Variants in ALG9 observed in about 807,000 individuals in gnomAD.
ALG9 encodes the protein ALG9 alpha-1,2-mannosyltransferase, also known as alpha-1,2-mannosyltransferase ALG9.
ALG9 carries 55 observed loss-of-function variants against 81.8 expected under a neutral mutation model. The observed-to-expected ratio is 0.67, with a 90% CI of 0.54 to 0.84. The LOEUF is 0.84. Ranked by LOEUF, ALG9 falls within the 40% of genes least tolerant of loss-of-function variation. ALG9 has a pLI of 0.00. For synonymous variants in ALG9, 278 were observed against 274.3 expected (o/e 1.01, Z -0.13); for missense variants, 629 against 745.0 (o/e 0.84, Z 1.81).
intron 13 of ALG9, among the ~76,000 whole-genome samples, chr11:111,812,870 T>C (rs571443071): frequency 6.7e-5 from 9 of 134,768 alleles, no homozygotes; most frequent in African/African-American, 1.5e-4. Flanking sequence ...TGAGCCAAGA[T>C]TGCACCACTG....
At chr11:111,819,223 G>T (rs78457541) in intron 13 of ALG9, among the ~76,000 whole-genome samples, 95 of 152,376 alleles carry the variant, frequency 6.2e-4, no homozygotes, top group African/African-American at 2.3e-3. Context: ...CTTCTCTGCT[G>T]TCTATCCAGC....
rs534740284 is a variant in ALG9, at chr11:111,843,593, T to C, written c.1018+1008A>G. On this transcript the variant is annotated intron_variant, in intron 9 of 14. Coordinates refer to ENST00000616540, the MANE Select transcript of ALG9 (RefSeq NM_024740.2). ...AGGTGGGATGGGGGAACTGATCATA[T>C]GGCATCCAAATCAGACTGCAAAGTC... Among the ~76,000 whole-genome samples the C allele has an allele frequency of 2.6e-5, 4 of 152,176 alleles. No individual in the cohort carries two copies. The South Asian group carries it at 8.3e-4, about 31-fold the overall frequency.
At chr11:111,798,695 C>T (rs1325212594) in intron 14 of ALG9, among the ~76,000 whole-genome samples, 1 of 152,112 alleles carries the variant, frequency 6.6e-6, no homozygotes, top group Non-Finnish European at 1.5e-5. Context: ...GTTTAGACTC[C>T]GCATCCTAAG....
downstream of ALG9, among the ~76,000 whole-genome samples, chr11:111,777,954 G>A (rs1285302284): frequency 2.6e-5 from 4 of 152,220 alleles, no homozygotes; most frequent in African/African-American, 9.7e-5. Flanking sequence ...TCTGAGGGCA[G>A]TGGCAGCAGC....
At chr11:111,856,980 G>A (rs997883989) in intron 6 of ALG9, among the ~76,000 whole-genome samples, 5 of 152,146 alleles carry the variant, frequency 3.3e-5, no homozygotes, top group Admixed American at 1.3e-4. Flanking sequence ...GGTGGCGCAC[G>A]CCTGTAGCCC....
At chr11:111,831,118 G>A (rs2136724074) in intron 13 of ALG9, among the ~76,000 whole-genome samples, 1 of 152,250 alleles carries the variant, frequency 6.6e-6, no homozygotes, top group South Asian at 2.1e-4. Flanking sequence ...TCGGCTGACT[G>A]CAACCTCCGC....
chr11:111,820,238 A>G (rs1952118358), intron 13 of ALG9, among the ~76,000 whole-genome samples: 1 of 152,230 alleles, frequency 6.6e-6, no homozygotes, highest in Non-Finnish European at 1.5e-5. Context: ...GTCTTAGTCC[A>G]ATCTGTGTTG....
intron 14 of ALG9, among the ~76,000 whole-genome samples, chr11:111,798,593 G>GA (rs199962278): frequency 2.6e-5 from 4 of 151,376 alleles, no homozygotes; most frequent in South Asian, 2.1e-4. Context: ...ATGCTTCAAA[G>GA]AAAAAAAAAT....
intron 6 of ALG9, among the ~76,000 whole-genome samples, chr11:111,856,192 G>T (rs1024822045): frequency 1.3e-5 from 2 of 148,926 alleles, no homozygotes; most frequent in African/African-American, 5.0e-5. Flanking sequence ...CAGGAGAATT[G>T]CTTGAACCCG....
intron 9 of ALG9, among the ~76,000 whole-genome samples, chr11:111,843,004 C>T (rs1454697379): frequency 2.7e-5 from 4 of 149,908 alleles, no homozygotes; most frequent in Non-Finnish European, 4.5e-5. Context: ...AGAGTGGTCT[C>T]GAACTCCTGG....
intron 13 of ALG9, among the ~76,000 whole-genome samples, chr11:111,816,223 A>T (rs1272077745): frequency 6.6e-6 from 1 of 152,244 alleles, no homozygotes; most frequent in Non-Finnish European, 1.5e-5. Context: ...AAAGCAAAAA[A>T]GGAATCTTCT....
Position 111,786,538 on chromosome 11 carries a change from A to T in ALG9, c.1734-18T>A. On this transcript the variant is annotated intron_variant, in intron 14 of 14. Transcript: ENST00000616540. Reference sequence around the variant, plus strand: ...TTGAAGATCTGAAAAACAAGGGATAAAAAAAAGAATTTTATCACTTGGGAG... The same window carrying T: ...TTGAAGATCTGAAAAACAAGGGATATAAAAAAGAATTTTATCACTTGGGAG... 6.2e-7 allele frequency: 1 copy of T among 1,613,598 alleles called. No homozygotes were observed. The highest frequency in any genetic ancestry group is 1.3e-5 in the African/African-American group (1 of 75,026).
At chr11:111,807,739 C>T (rs1591934014) in intron 14 of ALG9, among the ~76,000 whole-genome samples, 2 of 152,020 alleles carry the variant, frequency 1.3e-5, no homozygotes, top group South Asian at 2.1e-4. Context: ...ACTTTGGGGC[C>T]GAGGTCGTGC....
rs58305552 is a variant in ALG9 at position 111,820,920 on chromosome 11, G to GCACACACACACA, written c.1603-11159_1603-11148dup. ...TGAGACCCTGTCTCCAAACACGCGC[G>GCACACACACACA]CACACACACACACACACACACACAC... is the stretch of plus-strand genomic sequence containing the variant. On this transcript the variant is annotated intron_variant, in intron 13 of 14. Transcript: ENST00000616540. Among the ~76,000 whole-genome samples, 14 of 146,264 alleles carry GCACACACACACA rather than the reference G, an allele frequency of 9.6e-5. 1 individual carries two copies. The highest frequency in any genetic ancestry group is 2.8e-4 in the African/African-American group (11 of 39,322).
chr11:111,780,912 G>C (rs943289454), downstream of ALG9, among the ~76,000 whole-genome samples: 1 of 152,114 alleles, frequency 6.6e-6, no homozygotes, highest in Non-Finnish European at 1.5e-5. Flanking sequence ...AGACAGGGTC[G>C]CATGGTTTAT....
intron 14 of ALG9, among the ~76,000 whole-genome samples, chr11:111,791,780 T>TG (rs1197030243): frequency 4.6e-5 from 7 of 152,368 alleles, no homozygotes; most frequent in Admixed American, 3.9e-4. Context: ...ATCTCATTTT[T>TG]AAAGTCTCAG....
chr11:111,797,044 T>A (rs1044340725), intron 14 of ALG9, among the ~76,000 whole-genome samples: 1 of 152,158 alleles, frequency 6.6e-6, no homozygotes, highest in African/African-American at 2.4e-5. Context: ...GAAATCACCT[T>A]TAAAAAGAAA....
chr11:111,819,290 A>G (rs75319554), intron 13 of ALG9, among the ~76,000 whole-genome samples: 15 of 152,380 alleles, frequency 9.8e-5, no homozygotes, highest in African/African-American at 3.1e-4. Context: ...GTTGCATTCA[A>G]TCATCTATCA....
At chr11:111,814,986 G>A (rs576557608) in intron 13 of ALG9, among the ~76,000 whole-genome samples, 1 of 152,306 alleles carries the variant, frequency 6.6e-6, no homozygotes, top group South Asian at 2.1e-4. Context: ...GGAGCCCTCA[G>A]TATGACATTT....
Sources: gnomAD v4.1 joint callset for allele counts (sites outside exome capture counted in the v4.1 genomes callset) on GRCh38, gnomAD v4.1.1 for gene constraint, MANE v1.5 for transcripts, NCBI Gene and HGNC (gene_info 2026-07-23, HGNC 2026-07-21) for gene names.